CREB5: variants seen among roughly 807,000 people sequenced by gnomAD.
CREB5 encodes the protein cyclic AMP-responsive element-binding protein 5.
A neutral mutation model predicts 57.1 loss-of-function variants in CREB5; 19 were observed. That is an observed-to-expected ratio of 0.33 (90% CI 0.23 to 0.49). The LOEUF (loss-of-function observed/expected upper bound fraction) is 0.49, where lower values mean the gene tolerates loss of function less well. Ranked by LOEUF, CREB5 falls within the 20% of genes least tolerant of loss-of-function variation. The pLI is 0.99. For synonymous variants in CREB5, 238 were observed against 238.3 expected (o/e 1.00, Z 0.01); for missense variants, 579 against 671.6 (o/e 0.86, Z 1.52).
At chr7:28,735,095 C>T (rs1016058548) in intron 7 of CREB5, among the ~76,000 whole-genome samples, 1 of 151,924 alleles carries the variant, frequency 6.6e-6, no homozygotes, top group Non-Finnish European at 1.5e-5. Flanking sequence ...TTAAAATACA[C>T]TTAATCGTTT....
intron 1 of CREB5, among the ~76,000 whole-genome samples, chr7:28,387,945 T>A (rs563051637): frequency 6.6e-6 from 1 of 152,242 alleles, no homozygotes; most frequent in Non-Finnish European, 1.5e-5. Context: ...ATCATCCATT[T>A]CAATATTTCA....
At chr7:28,429,302 C>T (rs546369433) in intron 1 of CREB5, among the ~76,000 whole-genome samples, 50 of 152,250 alleles carry the variant, frequency 3.3e-4, no homozygotes, top group African/African-American at 1.1e-3. Context: ...CTGGGATAAT[C>T]GGTGCCAGCC....
intron 7 of CREB5, among the ~76,000 whole-genome samples, chr7:28,789,432 G>GCAA (rs1807534462): frequency 6.6e-6 from 1 of 152,038 alleles, no homozygotes; most frequent in Non-Finnish European, 1.5e-5. Context: ...ATCCTCACTG[G>GCAA]GGATGTCTTA....
At chr7:28,494,290 T>A (rs766306029) in intron 2 of CREB5, among the ~76,000 whole-genome samples, 11 of 152,252 alleles carry the variant, frequency 7.2e-5, no homozygotes, top group Non-Finnish European at 1.6e-4. Context: ...TTAGTTATTC[T>A]TCATGACCAC....
chr7:28,520,898 A>G (rs946455639), intron 4 of CREB5, among the ~76,000 whole-genome samples: 2 of 152,268 alleles, frequency 1.3e-5, no homozygotes, highest in African/African-American at 2.4e-5. Flanking sequence ...AATCATTTTA[A>G]GAAAGCCTAT....
At chr7:28,319,345 T>C (rs1330568562) in intron 1 of CREB5, among the ~76,000 whole-genome samples, 5 of 152,202 alleles carry the variant, frequency 3.3e-5, no homozygotes. Context: ...CTCATTTACA[T>C]AGAATACCTT....
chr7:28,538,641 T>C (rs1794077795), intron 4 of CREB5, among the ~76,000 whole-genome samples: 1 of 152,178 alleles, frequency 6.6e-6, no homozygotes, highest in African/African-American at 2.4e-5. Flanking sequence ...TTTCTCTGGG[T>C]GTAATTTGCC....
intron 1 of CREB5, among the ~76,000 whole-genome samples, chr7:28,323,620 C>T (rs1356052498): frequency 1.3e-5 from 2 of 152,130 alleles, no homozygotes; most frequent in Non-Finnish European, 1.5e-5. Context: ...GTATCTCCAA[C>T]ATCCCTACTC....
chr7:28,807,758 C>G (rs926621761), intron 8 of CREB5, among the ~76,000 whole-genome samples: 1 of 151,532 alleles, frequency 6.6e-6, no homozygotes. Flanking sequence ...GTATTACCGT[C>G]ATAAACCTGA....
At chr7:28,560,815 T>TGCGTGCGCGCGC (rs1562796941) in intron 4 of CREB5, among the ~76,000 whole-genome samples, 2 of 136,876 alleles carry the variant, frequency 1.5e-5, no homozygotes, top group South Asian at 2.4e-4. Flanking sequence ...TGCGCGTGTG[T>TGCGTGCGCGCGC]GTGTGTGCGC....
chr7:28,665,233 G>A (rs544814566), intron 5 of CREB5, among the ~76,000 whole-genome samples: 2 of 152,242 alleles, frequency 1.3e-5, no homozygotes, highest in East Asian at 3.9e-4. Flanking sequence ...GGGAGGATGG[G>A]GTAGGGGAGA....
chr7:28,820,987 T>C lies in CREB5; in HGVS notation c.*1708T>C, dbSNP rs560740873. 41 of 152,722 alleles carry C rather than the reference T, an allele frequency of 2.7e-4. No individual in the cohort carries two copies. The East Asian group carries it at 7.9e-3, about 30-fold the overall frequency. 9.5% of individuals were successfully genotyped at this position (152,722 alleles called of 1,614,324 possible). On this transcript the variant is annotated 3_prime_UTR_variant, in exon 11 of 11. Transcript: ENST00000357727. ...AAAGCAGATAGTCCCTGAACCACAGTCGTGCCTCCTTGAAACAAGCCATTC... is the reference window on the plus strand; with the variant it reads ...AAAGCAGATAGTCCCTGAACCACAGCCGTGCCTCCTTGAAACAAGCCATTC...
intron 5 of CREB5, among the ~76,000 whole-genome samples, chr7:28,697,030 CAT>C (rs1358058218): frequency 2.6e-5 from 4 of 151,690 alleles, no homozygotes; most frequent in African/African-American, 7.3e-5. Flanking sequence ...TATATACACA[CAT>C]ATGTACATTG....
intron 5 of CREB5, among the ~76,000 whole-genome samples, chr7:28,649,522 G>T (rs1471773076): frequency 6.6e-6 from 1 of 152,124 alleles, no homozygotes. Context: ...TTACAAAAAA[G>T]GTGTGCCAAC....
intron 5 of CREB5, among the ~76,000 whole-genome samples, chr7:28,644,034 C>T (rs999272889): frequency 6.6e-6 from 1 of 151,412 alleles, no homozygotes; most frequent in South Asian, 2.1e-4. Flanking sequence ...GCTAGGATCC[C>T]CTCACTGTAC....
intron 4 of CREB5, among the ~76,000 whole-genome samples, chr7:28,559,417 C>T (rs1222234335): frequency 1.4e-4 from 22 of 152,250 alleles, no homozygotes; most frequent in African/African-American, 4.6e-4. Flanking sequence ...CAGGTTTAAG[C>T]GATTCTCCTG....
chr7:28,787,200 G>C (rs1208078066), intron 7 of CREB5, among the ~76,000 whole-genome samples: 1 of 152,170 alleles, frequency 6.6e-6, no homozygotes, highest in East Asian at 1.9e-4. Context: ...TGGCCCAGTG[G>C]CTGACACTGT....
chr7:28,732,620 C>T (rs1803713574), intron 7 of CREB5, among the ~76,000 whole-genome samples: 1 of 151,920 alleles, frequency 6.6e-6, no homozygotes, highest in Non-Finnish European at 1.5e-5. Flanking sequence ...ATATTTTGGT[C>T]ATTTTCTTGG....
chr7:28,732,247 A>G (rs1803685787), intron 7 of CREB5, among the ~76,000 whole-genome samples: 1 of 152,070 alleles, frequency 6.6e-6, no homozygotes, highest in South Asian at 2.1e-4. Flanking sequence ...TTCTGCCAGT[A>G]TCCACCCTGT....
Sources: gnomAD v4.1 joint callset for allele counts (sites outside exome capture counted in the v4.1 genomes callset) on GRCh38, gnomAD v4.1.1 for gene constraint, MANE v1.5 for transcripts, NCBI Gene and HGNC (gene_info 2026-07-23, HGNC 2026-07-21) for gene names.